Variants in EXT2 observed in about 807,000 individuals in gnomAD.
EXT2 encodes exostosin-2.
Under a neutral mutation model 81.6 loss-of-function variants are expected in EXT2, and 53 were observed. The ratio of observed to expected loss-of-function variants is 0.65; its 90% CI spans 0.52 to 0.82. The LOEUF (loss-of-function observed/expected upper bound fraction) is 0.82, where lower values mean the gene tolerates loss of function less well. Among genes scored for constraint, EXT2 ranks in the 40% least tolerant of loss-of-function variants. EXT2 has a pLI of 0.00. For synonymous variants in EXT2, 320 were observed against 340.0 expected (o/e 0.94, Z 0.65); for missense variants, 774 against 910.2 (o/e 0.85, Z 1.93).
chr11:44,209,258 G>T (rs997187586), intron 10 of EXT2, among the ~76,000 whole-genome samples: 1 of 151,906 alleles, frequency 6.6e-6, no homozygotes, highest in Non-Finnish European at 1.5e-5. Context: ...TGTGTTGTTT[G>T]TTGCCTTTTT....
At position 44,232,488 on chromosome 11, in the gene EXT2, T is replaced by TA; in HGVS notation, c.1799dup (p.Tyr600Ter). 6.2e-7 allele frequency: 1 copy of TA among 1,613,974 alleles called. No individual in the cohort carries two copies. Among genetic ancestry groups the TA allele is most frequent in the Non-Finnish European group, 8.5e-7 (1 of 1,179,904 alleles). Residue 600 changes from tyrosine to a stop codon, truncating the protein, a stop_gained and frameshift_variant, in exon 11 of 14, where the codon TAT becomes TAAT. Coordinates refer to ENST00000533608, the MANE Select transcript of EXT2 (RefSeq NM_207122.2). LOFTEE classifies it high-confidence loss of function. Reference sequence around the variant, plus strand: ...CATGGTGCTCACTGGGGCAGCTTTTTATCACAAGGTAAGGGGGCGCAGTCC... The same window carrying TA: ...CATGGTGCTCACTGGGGCAGCTTTTTAATCACAAGGTAAGGGGGCGCAGTCC... The part of the protein sequence containing the change: ...VSMVLTGAAF[Y>*]HKYFNYLYTY...
intron 7 of EXT2, among the ~76,000 whole-genome samples, chr11:44,141,160 A>G (rs1954640306): frequency 6.6e-6 from 1 of 152,220 alleles, no homozygotes; most frequent in Non-Finnish European, 1.5e-5. Context: ...CATATGACCT[A>G]TGTATATCCT....
chr11:44,244,274 T>G lies in EXT2; in HGVS notation c.2144T>G (p.Ile715Ser), dbSNP rs2135284277. The G allele has an allele frequency of 6.2e-7, 1 of 1,613,966 alleles. No individual in the cohort carries two copies. The highest frequency in any genetic ancestry group is 1.1e-5 in the South Asian group (1 of 91,058). Residue 715 changes from isoleucine (I) to serine (S), a missense_variant, in exon 14 of 14, where the codon ATT becomes AGT. By Grantham distance (142) the Ile-to-Ser change is moderately radical. Around this residue, in one of 2 missense-constraint regions of EXT2, gnomAD observed 148 missense variants for 239.7 expected, o/e 0.62. Transcript: ENST00000533608. ...GAGAAGCTGAAGAGCTTCCCCAACA[T>G]TGGCAGCTTATGAAACGTGTCATTG... ...FPEKLKSFPN[I>S]GSL
intron 1 of EXT2, among the ~76,000 whole-genome samples, chr11:44,100,002 A>C (rs1189004980): frequency 6.6e-6 from 1 of 152,174 alleles, no homozygotes; most frequent in Non-Finnish European, 1.5e-5. Context: ...GTCTGAGGGC[A>C]TCCCTCAGCC....
chr11:44,197,812 A>G lies in EXT2; in HGVS notation c.1306-17A>G. 1 of 1,613,578 alleles carries G rather than the reference A, an allele frequency of 6.2e-7. No homozygotes were observed. The highest frequency in any genetic ancestry group is 8.5e-7 in the Non-Finnish European group (1 of 1,179,790). On this transcript the variant is annotated splice_polypyrimidine_tract_variant and intron_variant, in intron 8 of 13. Coordinates refer to ENST00000533608, the MANE Select transcript of EXT2 (RefSeq NM_207122.2). ...TACAGCTGCTTTTCTGACCCGTGTT[A>G]ATCTGTCCTCTTGTAGAAGTGGGGC...
At chr11:44,144,871 GT>G (rs1011342870) in intron 7 of EXT2, among the ~76,000 whole-genome samples, 3 of 151,580 alleles carry the variant, frequency 2.0e-5, no homozygotes, top group East Asian at 1.9e-4. Flanking sequence ...TATTTTGAAA[GT>G]TTTTTTTTAA....
chr11:44,144,168 C>G, intron 7 of EXT2: 2 of 1,225,362 alleles, frequency 1.6e-6, no homozygotes, highest in Non-Finnish European at 2.4e-6. Flanking sequence ...TCCTTTATAG[C>G]TAGTTGACCC....
chr11:44,170,611 A>T (rs542610694), intron 7 of EXT2, among the ~76,000 whole-genome samples: 1 of 152,334 alleles, frequency 6.6e-6, no homozygotes, highest in African/African-American at 2.4e-5. Flanking sequence ...ATCAGGAATG[A>T]AAAGAGATGT....
At chr11:44,207,388 A>T (rs990932397) in intron 10 of EXT2, among the ~76,000 whole-genome samples, 4 of 152,264 alleles carry the variant, frequency 2.6e-5, no homozygotes, top group Non-Finnish European at 5.9e-5. Flanking sequence ...CTGAGTTTTA[A>T]GTGGAGAGGC....
chr11:44,176,922 TAA>T (rs35564934), intron 8 of EXT2, among the ~76,000 whole-genome samples: 160 of 131,766 alleles, frequency 1.2e-3, no homozygotes, highest in Middle Eastern at 3.9e-3. Context: ...TAGTTTAATG[TAA>T]AAAAAAAAAA....
chr11:44,106,513 T>C (rs183442169), intron 1 of EXT2, among the ~76,000 whole-genome samples: 1 of 152,334 alleles, frequency 6.6e-6, no homozygotes, highest in Non-Finnish European at 1.5e-5. Context: ...CATTCTGCCT[T>C]TTGTTATAGC....
intron 4 of EXT2, among the ~76,000 whole-genome samples, chr11:44,115,274 C>G (rs1954205873): frequency 6.6e-6 from 1 of 152,140 alleles, no homozygotes; most frequent in African/African-American, 2.4e-5. Flanking sequence ...AGGCTAGATT[C>G]AAATTGTTGG....
chr11:44,229,735 T>C (rs1023623446), intron 10 of EXT2, among the ~76,000 whole-genome samples: 1 of 152,258 alleles, frequency 6.6e-6, no homozygotes, highest in Admixed American at 6.5e-5. Flanking sequence ...TCAGTACTGC[T>C]GCAGGCTTCC....
In EXT2 at chr11:44,108,081, C is replaced by G; in HGVS notation, c.369C>G (p.Ser123Arg). Residue 123 changes from serine (S) to arginine (R), a missense_variant, in exon 2 of 14, where the codon AGC becomes AGG. By Grantham distance (110) the Ser-to-Arg change is moderately radical. Around this residue, in one of 2 missense-constraint regions of EXT2, gnomAD observed 626 missense variants for 670.5 expected, o/e 0.93. Coordinates refer to ENST00000533608, the MANE Select transcript of EXT2 (RefSeq NM_207122.2). ...TGGATGACTTTGGCGTCTCTGTCAG[C>G]AACACCATCTCCCGGGAGTATAATG... is the stretch of plus-strand genomic sequence containing the variant. ...KYVDDFGVSV[S>R]NTISREYNEL... 1 of 1,614,226 alleles carries G rather than the reference C, an allele frequency of 6.2e-7. No homozygotes were observed.
intron 7 of EXT2, among the ~76,000 whole-genome samples, chr11:44,167,832 A>T (rs1041626652): frequency 6.6e-6 from 1 of 152,096 alleles, no homozygotes; most frequent in African/African-American, 2.4e-5. Flanking sequence ...TTATTATTAT[A>T]CTTTAAGTTT....
chr11:44,195,050 G>A (rs1955438798), intron 8 of EXT2, among the ~76,000 whole-genome samples: 1 of 152,114 alleles, frequency 6.6e-6, no homozygotes, highest in East Asian at 1.9e-4. Flanking sequence ...GAGTTGCTAA[G>A]GTACAAATAC....
intron 8 of EXT2, among the ~76,000 whole-genome samples, chr11:44,192,761 A>G (rs1224320815): frequency 6.6e-6 from 1 of 152,190 alleles, no homozygotes; most frequent in Non-Finnish European, 1.5e-5. Flanking sequence ...AGACTAGTAC[A>G]TGGCAAGGCC....
chr11:44,119,144 A>C (rs1474689789), intron 4 of EXT2, among the ~76,000 whole-genome samples: 1 of 40,646 alleles, frequency 2.5e-5, no homozygotes, highest in South Asian at 7.4e-4. Context: ...ATATATATAT[A>C]TATATATATA....
At chr11:44,109,161 A>G in intron 2 of EXT2, 33 bp from the exon 3 acceptor site, 2 of 1,608,520 alleles carry the variant, frequency 1.2e-6, no homozygotes, top group Non-Finnish European at 1.7e-6. Flanking sequence ...TAGTTGACAC[A>G]TTAATTCTCC....
Sources: gnomAD v4.1 joint callset for allele counts (sites outside exome capture counted in the v4.1 genomes callset) on GRCh38, gnomAD v4.1.1 for gene constraint, gnomAD v4.1.1 regional missense constraint, MANE v1.5 for transcripts, NCBI Gene and HGNC (gene_info 2026-07-23, HGNC 2026-07-21) for gene names.